Variants in RGS8 observed in about 807,000 individuals in gnomAD.
The protein encoded by RGS8 is regulator of G-protein signaling 8.
A neutral mutation model predicts 21.7 loss-of-function variants in RGS8; 8 were observed. The observed-to-expected ratio is 0.37, with a 90% CI of 0.22 to 0.66. RGS8 has a LOEUF of 0.66. Ranked by LOEUF, RGS8 falls within the 30% of genes least tolerant of loss-of-function variation. The pLI, the probability that RGS8 is intolerant of heterozygous loss-of-function variation, is 0.59. For synonymous variants in RGS8, 80 were observed against 83.6 expected (o/e 0.96, Z 0.24); for missense variants, 157 against 217.9 (o/e 0.72, Z 1.76).
chr1:182,749,997 C>A, the RGS8 span, among the ~76,000 whole-genome samples: 1 of 152,120 alleles, frequency 6.6e-6, no homozygotes, highest in African/African-American at 2.4e-5. Flanking sequence ...GCTTTTAATA[C>A]CTACCTCAGA....
At chr1:182,701,579 C>A in the RGS8 span, among the ~76,000 whole-genome samples, 1 of 152,304 alleles carries the variant, frequency 6.6e-6, no homozygotes, top group African/African-American at 2.4e-5. Flanking sequence ...AAGGTAGGCA[C>A]TACTGGGAGA....
At chr1:182,709,747 A>G in the RGS8 span, among the ~76,000 whole-genome samples, 1 of 151,570 alleles carries the variant, frequency 6.6e-6, no homozygotes, top group African/African-American at 2.4e-5. Flanking sequence ...TATTTTTTCA[A>G]CTCCCCCCAC....
upstream of RGS8, among the ~76,000 whole-genome samples, chr1:182,676,811 C>T (rs1664376106): frequency 6.6e-6 from 1 of 152,168 alleles, no homozygotes; most frequent in Admixed American, 6.5e-5. Context: ...AGCTCCATGA[C>T]ACTAACTACT....
the RGS8 span, among the ~76,000 whole-genome samples, chr1:182,736,273 T>C: frequency 3.3e-5 from 5 of 152,188 alleles, no homozygotes; most frequent in Non-Finnish European, 7.3e-5. Context: ...TAAGGAACTG[T>C]CCCCAAAAAG....
chr1:182,652,186 G>A (rs963744043), intron 5 of RGS8, among the ~76,000 whole-genome samples: 12 of 152,340 alleles, frequency 7.9e-5, no homozygotes, highest in African/African-American at 2.4e-4. Flanking sequence ...AGAGTTTAAG[G>A]TTGTTTGTGT....
chr1:182,669,843 A>T, intron 2 of RGS8, 91 bp from the exon 4 acceptor site: 1 of 1,344,932 alleles, frequency 7.4e-7, no homozygotes, highest in Non-Finnish European at 9.8e-7. Context: ...CCAGCGGAAC[A>T]CCTCCCCACA....
At chr1:182,701,358 A>G in the RGS8 span, among the ~76,000 whole-genome samples, 6 of 152,328 alleles carry the variant, frequency 3.9e-5, no homozygotes, top group East Asian at 7.7e-4. Flanking sequence ...CCAACCCCTA[A>G]GTGATAATAG....
chr1:182,649,096 G>A lies in RGS8; in HGVS notation c.194-793C>T, dbSNP rs562662907. Among the ~76,000 whole-genome samples, 5 of 151,814 alleles carry A rather than the reference G, an allele frequency of 3.3e-5. No individual in the cohort carries two copies. The East Asian group carries it at 7.7e-4, about 23-fold the overall frequency. Reference sequence around the variant, plus strand: ...GCCTGGGCGACAAGACCAAAAATACGTCTCATAAAAAAAAAATAGAGTCAT... The same window carrying A: ...GCCTGGGCGACAAGACCAAAAATACATCTCATAAAAAAAAAATAGAGTCAT... On this transcript the variant is annotated intron_variant, in intron 5 of 6. Transcript: ENST00000483095.
the RGS8 span, among the ~76,000 whole-genome samples, chr1:182,723,619 G>C: frequency 6.6e-6 from 1 of 152,134 alleles, no homozygotes; most frequent in Non-Finnish European, 1.5e-5. Flanking sequence ...TGCTGCTGTT[G>C]GTCCCACAGA....
the RGS8 span, among the ~76,000 whole-genome samples, chr1:182,696,961 C>T: frequency 6.6e-6 from 1 of 152,156 alleles, no homozygotes; most frequent in African/African-American, 2.4e-5. Context: ...GGCTGGGCCA[C>T]ATGTTTCTTA....
chr1:182,726,597 G>A, the RGS8 span, among the ~76,000 whole-genome samples: 1 of 151,900 alleles, frequency 6.6e-6, no homozygotes, highest in Non-Finnish European at 1.5e-5. Context: ...TTGAACCCGA[G>A]AGGCAGAGGT....
intron 4 of RGS8, among the ~76,000 whole-genome samples, chr1:182,666,461 A>T (rs190972272): frequency 3.3e-5 from 5 of 152,328 alleles, no homozygotes; most frequent in African/African-American, 1.2e-4. Flanking sequence ...ACACAAGGTA[A>T]CATCTATGAT....
intron 5 of RGS8, among the ~76,000 whole-genome samples, chr1:182,654,471 A>T (rs2102415549): frequency 6.6e-6 from 1 of 152,360 alleles, no homozygotes; most frequent in South Asian, 2.1e-4. Context: ...TTAATTTGGG[A>T]TAAGGTCACT....
chr1:182,713,477 C>T, the RGS8 span, among the ~76,000 whole-genome samples: 1 of 152,196 alleles, frequency 6.6e-6, no homozygotes, highest in Admixed American at 6.5e-5. Context: ...AGCCACCACG[C>T]CCGGCCTCTC....
the RGS8 span, among the ~76,000 whole-genome samples, chr1:182,721,007 A>G: frequency 1.5e-5 from 1 of 65,090 alleles, no homozygotes; most frequent in African/African-American, 5.2e-5. Context: ...GTGTATATAT[A>G]CATATATACA....
the RGS8 span, among the ~76,000 whole-genome samples, chr1:182,694,785 G>A: frequency 6.7e-6 from 1 of 150,110 alleles, no homozygotes; most frequent in South Asian, 2.1e-4. Context: ...TCCAGCCTGG[G>A]TGATAGAGCA....
the RGS8 span, among the ~76,000 whole-genome samples, chr1:182,707,155 T>A: frequency 1.3e-5 from 2 of 151,876 alleles, no homozygotes; most frequent in Non-Finnish European, 2.9e-5. Flanking sequence ...TGGGACTCCA[T>A]CTCAAAAAAC....
At chr1:182,675,604 T>A (rs559846898), upstream of RGS8, among the ~76,000 whole-genome samples, 1 of 152,320 alleles carries the variant, frequency 6.6e-6, no homozygotes, top group Admixed American at 6.5e-5. Context: ...CCCACACACA[T>A]GCATGATTCC....
At chr1:182,689,286 C>T (rs1202870188), upstream of RGS8, among the ~76,000 whole-genome samples, 6 of 149,612 alleles carry the variant, frequency 4.0e-5, no homozygotes, top group Non-Finnish European at 8.8e-5. Context: ...CACACACACA[C>T]ACACACACAC....
Sources: allele counts gnomAD v4.1 joint callset (sites outside exome capture counted in the v4.1 genomes callset), GRCh38; gene constraint gnomAD v4.1.1; transcripts MANE v1.5; gene names NCBI Gene and HGNC (gene_info 2026-07-23, HGNC 2026-07-21).